The following XKR4 variants were observed in gnomAD, a reference collection of about 807,000 sequenced individuals.
XKR4 encodes XK-related protein 4.
XKR4 carries 12 observed loss-of-function variants against 53.9 expected under a neutral mutation model. The ratio of observed to expected loss-of-function variants is 0.22; its 90% CI spans 0.14 to 0.36. The LOEUF is 0.36. Ranked by LOEUF, XKR4 falls within the 10% of genes least tolerant of loss-of-function variation. XKR4 has a pLI of 1.00. For missense variants in XKR4, 799 were observed against 859.5 expected (o/e 0.93, Z 0.88); for synonymous variants, 354 against 362.4 (o/e 0.98, Z 0.26).
intron 1 of XKR4, among the ~76,000 whole-genome samples, chr8:55,299,966 C>T (rs546808927): frequency 1.3e-5 from 2 of 152,122 alleles, no homozygotes; most frequent in African/African-American, 4.8e-5. Context: ...TGGAGGAGCT[C>T]CCCAGGAGAG....
At chr8:55,131,714 G>A (rs957427566) in intron 1 of XKR4, among the ~76,000 whole-genome samples, 2 of 151,598 alleles carry the variant, frequency 1.3e-5, no homozygotes, top group African/African-American at 4.8e-5. Context: ...GGAAGTAAAA[G>A]CCCTGACAAT....
chr8:55,278,257 A>T (rs1818792265), intron 1 of XKR4, among the ~76,000 whole-genome samples: 1 of 151,554 alleles, frequency 6.6e-6, no homozygotes, highest in Non-Finnish European at 1.5e-5. Context: ...GAATCGTTCC[A>T]ACCCTGGAGA....
chr8:55,489,468 T>A (rs529784202), intron 2 of XKR4, among the ~76,000 whole-genome samples: 1 of 152,200 alleles, frequency 6.6e-6, no homozygotes, highest in Non-Finnish European at 1.5e-5. Flanking sequence ...TTTTGCAAAT[T>A]AAAAACCCGT....
chr8:55,507,811 G>T (rs563406867), intron 2 of XKR4, among the ~76,000 whole-genome samples: 1 of 152,100 alleles, frequency 6.6e-6, no homozygotes, highest in East Asian at 1.9e-4. Context: ...ATAAACATAC[G>T]TGTGCATGTG....
Position 55,446,219 on chromosome 8 carries a change from G to A in XKR4, c.1007-77062G>A, listed in dbSNP as rs181602450. The stretch of plus-strand genomic sequence containing the variant: ...ATCACGTGGAGGTACCTGGCCCAGC[G>A]CAAACTAACCTTGGAGCTTTTATCC... On this transcript the variant is annotated intron_variant, in intron 2 of 2. Transcript: ENST00000327381. 3.7e-3 allele frequency among the ~76,000 whole-genome samples: 566 copies of A among 152,252 alleles called. 4 individuals are homozygous for A. The highest frequency in any genetic ancestry group is 0.011 in the African/African-American group (450 of 41,530).
At chr8:55,110,913 G>A (rs1331743916) in intron 1 of XKR4, among the ~76,000 whole-genome samples, 3 of 152,046 alleles carry the variant, frequency 2.0e-5, no homozygotes, top group Non-Finnish European at 4.4e-5. Flanking sequence ...TCTAGTATAT[G>A]TATAGAACTG....
chr8:55,211,938 A>G (rs1817737293), intron 1 of XKR4, among the ~76,000 whole-genome samples: 1 of 152,210 alleles, frequency 6.6e-6, no homozygotes. Context: ...GACATAAGAC[A>G]TCAGTCAATA....
chr8:55,285,341 C>T (rs1818893988), intron 1 of XKR4, among the ~76,000 whole-genome samples: 1 of 151,996 alleles, frequency 6.6e-6, no homozygotes, highest in Non-Finnish European at 1.5e-5. Context: ...AGGAGGGACT[C>T]AAGGTCTATG....
chr8:55,131,798 T>A (rs1235232574), intron 1 of XKR4, among the ~76,000 whole-genome samples: 4 of 151,636 alleles, frequency 2.6e-5, no homozygotes, highest in African/African-American at 9.7e-5. Flanking sequence ...CAGGCTGGAG[T>A]GCAGTGGTAT....
At chr8:55,425,622 A>C (rs979874950) in intron 2 of XKR4, among the ~76,000 whole-genome samples, 2 of 152,036 alleles carry the variant, frequency 1.3e-5, no homozygotes, top group African/African-American at 2.4e-5. Flanking sequence ...TGTATCTTCT[A>C]TCTGTTGGAG....
At position 55,540,702 on chromosome 8, in the gene XKR4, T is replaced by C. The variant is rs1366209878; in HGVS notation, c.*16475T>C. ...AAATAGCACGCTGAATTTAGGGCTA[T>C]GACAAAAATGTTGTTAAAGCAAGAG... is the stretch of plus-strand genomic sequence containing the variant. On this transcript the variant is annotated 3_prime_UTR_variant, in exon 3 of 3. Transcript: ENST00000327381. 1.3e-5 allele frequency: 2 copies of C among 152,258 alleles called. No individual in the cohort carries two copies. The highest frequency in any genetic ancestry group is 2.9e-5 in the Non-Finnish European group (2 of 68,032). 9.4% of individuals were successfully genotyped at this position (152,258 alleles called of 1,614,324 possible).
chr8:55,525,226 G>A lies in XKR4; in HGVS notation c.*999G>A, dbSNP rs1806866076. ...CCATAGGCAGATGCTGACTCTGGAA[G>A]ACTCCGTGCCACTCCTTTCTAGTGC... On this transcript the variant is annotated 3_prime_UTR_variant, in exon 3 of 3. Transcript: ENST00000327381. 1 of 152,628 alleles carries A rather than the reference G, an allele frequency of 6.6e-6. No homozygotes were observed. Among genetic ancestry groups the A allele is most frequent in the Non-Finnish European group, 1.5e-5 (1 of 68,044 alleles). 9.5% of individuals were successfully genotyped at this position (152,628 alleles called of 1,614,324 possible).
intron 1 of XKR4, among the ~76,000 whole-genome samples, chr8:55,206,509 C>T (rs2129362973): frequency 6.6e-6 from 1 of 152,110 alleles, no homozygotes; most frequent in South Asian, 2.1e-4. Context: ...CCACAGCACA[C>T]ACAAAATGAA....
chr8:55,427,068 C>T (rs771965613), intron 2 of XKR4, among the ~76,000 whole-genome samples: 227 of 152,224 alleles, frequency 1.5e-3, no homozygotes, highest in Non-Finnish European at 2.0e-3. Context: ...TTGCTAGTAA[C>T]GGTCTCTTAG....
intron 1 of XKR4, among the ~76,000 whole-genome samples, chr8:55,332,861 G>A (rs758673615): frequency 3.4e-5 from 5 of 149,106 alleles, no homozygotes; most frequent in Non-Finnish European, 5.9e-5. Flanking sequence ...TCCATAATAT[G>A]TATGTTAGTT....
intron 1 of XKR4, among the ~76,000 whole-genome samples, chr8:55,303,041 G>A (rs1231411782): frequency 6.6e-6 from 1 of 152,196 alleles, no homozygotes; most frequent in African/African-American, 2.4e-5. Context: ...ATGTTGAATA[G>A]GAGTGGTGAG....
chr8:55,396,656 G>C (rs770987935), intron 2 of XKR4, among the ~76,000 whole-genome samples: 1 of 152,150 alleles, frequency 6.6e-6, no homozygotes, highest in Non-Finnish European at 1.5e-5. Context: ...CTTTAGGACA[G>C]GGAGGTAAAG....
intron 1 of XKR4, among the ~76,000 whole-genome samples, chr8:55,195,034 G>A (rs1817486567): frequency 6.6e-6 from 1 of 152,134 alleles, no homozygotes; most frequent in Admixed American, 6.5e-5. Context: ...AACTGCTTCT[G>A]TTCCCATCTA....
chr8:55,207,309 G>T (rs1045967588), intron 1 of XKR4, among the ~76,000 whole-genome samples: 1 of 152,182 alleles, frequency 6.6e-6, no homozygotes, highest in Non-Finnish European at 1.5e-5. Context: ...TGGGACATTT[G>T]TGTCCAGAGC....
Sources: allele counts gnomAD v4.1 joint callset (sites outside exome capture counted in the v4.1 genomes callset), GRCh38; gene constraint gnomAD v4.1.1; transcripts MANE v1.5; gene names NCBI Gene and HGNC (gene_info 2026-07-23, HGNC 2026-07-21).